The following EMP2 variants were observed in gnomAD, a reference collection of about 807,000 sequenced individuals.
EMP2 encodes epithelial membrane protein 2.
EMP2 carries 19 observed loss-of-function variants against 13.7 expected under a neutral mutation model. That is an observed-to-expected ratio of 1.38 (90% CI 0.97 to 2.03). EMP2 has a LOEUF of 2.03. Among genes scored for constraint, EMP2 ranks in the 30% most tolerant of loss-of-function variants. EMP2 has a pLI of 0.00. For synonymous variants in EMP2, 97 were observed against 84.7 expected, an observed-to-expected ratio of 1.15 and a Z score of -0.80; for missense variants, 253 against 220.7, an observed-to-expected ratio of 1.15 and a Z score of -0.93.
chr16:10,560,246 T>C (rs2050861892), intron 1 of EMP2, among the ~76,000 whole-genome samples: 2 of 152,166 alleles, frequency 1.3e-5, no homozygotes, highest in Non-Finnish European at 1.5e-5. Context: ...TCCCACATCC[T>C]GGGAACATGC....
At chr16:10,547,813 A>T (rs1429494732) in intron 1 of EMP2, 136 bp from the exon 2 acceptor site, 1 of 568,562 alleles carries the variant, frequency 1.8e-6, no homozygotes, top group East Asian at 3.0e-5. Flanking sequence ...TGGGAAGATC[A>T]CTTGAGCCCA....
intron 1 of EMP2, among the ~76,000 whole-genome samples, chr16:10,548,928 A>G (rs909921022): frequency 6.6e-6 from 1 of 152,138 alleles, no homozygotes; most frequent in Non-Finnish European, 1.5e-5. Flanking sequence ...ACTTCATGAC[A>G]TGGCCATTTC....
chr16:10,568,033 G>A (rs1039512235), intron 1 of EMP2, among the ~76,000 whole-genome samples: 1 of 152,228 alleles, frequency 6.6e-6, no homozygotes, highest in Non-Finnish European at 1.5e-5. Context: ...GAAGCCCAGA[G>A]CTATAGAATA....
intron 3 of EMP2, 119 bp from the exon 4 acceptor site, chr16:10,538,193 A>C: frequency 7.9e-7 from 1 of 1,264,232 alleles, no homozygotes; most frequent in Non-Finnish European, 1.1e-6. Context: ...GAAGGGGTTC[A>C]GGCGGTCGTC....
chr16:10,554,559 T>C (rs2142191909), intron 1 of EMP2, among the ~76,000 whole-genome samples: 1 of 152,240 alleles, frequency 6.6e-6, no homozygotes, highest in Non-Finnish European at 1.5e-5. Context: ...TTCCCGGGGC[T>C]GTGTGTTGGA....
At chr16:10,540,095 G>C (rs1258329664) in intron 3 of EMP2, among the ~76,000 whole-genome samples, 2 of 152,254 alleles carry the variant, frequency 1.3e-5, no homozygotes, top group African/African-American at 2.4e-5. Flanking sequence ...AAAGCTGGGA[G>C]GGGGTGCAGG....
At position 10,551,196 on chromosome 16, in the gene EMP2, T is replaced by C. The variant is rs555014590; in HGVS notation, c.-60-3519A>G. Among the ~76,000 whole-genome samples, 187 of 152,342 alleles carry C rather than the reference T, an allele frequency of 1.2e-3. 1 individual carries two copies. Among genetic ancestry groups the C allele is most frequent in the African/African-American group, 4.1e-3 (172 of 41,584 alleles). On this transcript the variant is annotated intron_variant, in intron 1 of 4. Coordinates refer to ENST00000359543, the MANE Select transcript of EMP2 (RefSeq NM_001424.6). ...CAACAAATAATATACTTTCTGTTTC[T>C]ATGGATTTGTCTATTTTAGATATTT...
At chr16:10,542,229 C>G (rs2050705432) in intron 3 of EMP2, among the ~76,000 whole-genome samples, 1 of 152,124 alleles carries the variant, frequency 6.6e-6, no homozygotes, top group Non-Finnish European at 1.5e-5. Flanking sequence ...GAAACTCCAT[C>G]TCTACAAAAA....
intron 4 of EMP2, among the ~76,000 whole-genome samples, chr16:10,536,189 C>T (rs997967802): frequency 1.3e-5 from 2 of 152,180 alleles, no homozygotes; most frequent in Non-Finnish European, 2.9e-5. Flanking sequence ...CCCACTTTGC[C>T]CTGGACTGGG....
chr16:10,549,729 T>TCACACACA (rs71402494), intron 1 of EMP2, among the ~76,000 whole-genome samples: 3,174 of 149,640 alleles, frequency 0.021, 121 homozygotes, highest in African/African-American at 0.073. Flanking sequence ...ACACACACAC[T>TCACACACA]CACACACACA....
chr16:10,535,591 T>A (rs1422328527), intron 4 of EMP2, among the ~76,000 whole-genome samples: 1 of 152,076 alleles, frequency 6.6e-6, no homozygotes, highest in Admixed American at 6.5e-5. Flanking sequence ...ATGTCTGTAG[T>A]CCCAGTTCCT....
intron 1 of EMP2, among the ~76,000 whole-genome samples, chr16:10,566,096 G>A (rs577306946): frequency 1.3e-5 from 2 of 152,156 alleles, no homozygotes; most frequent in African/African-American, 2.4e-5. Flanking sequence ...CCGGGACTGG[G>A]GACCTCACCA....
In EMP2 at chr16:10,531,131, C is replaced by T. The variant is rs941272954; in HGVS notation, c.*1774G>A. On this transcript the variant is annotated 3_prime_UTR_variant, in exon 5 of 5. Coordinates refer to ENST00000359543, the MANE Select transcript of EMP2 (RefSeq NM_001424.6). ...GGATTACAGGCACCTGCCACCACAC[C>T]GGGCTAATTTTGTTGTATTTTCGGT... is the stretch of plus-strand genomic sequence containing the variant. The T allele has an allele frequency of 2.0e-5, 3 of 152,030 alleles. No homozygotes were observed. Among genetic ancestry groups the T allele is most frequent in the Non-Finnish European group, 4.4e-5 (3 of 68,064 alleles). 9.4% of individuals were successfully genotyped at this position (152,030 alleles called of 1,614,324 possible).
At chr16:10,535,700 C>T (rs1282642161) in intron 4 of EMP2, among the ~76,000 whole-genome samples, 1 of 152,142 alleles carries the variant, frequency 6.6e-6, no homozygotes, top group East Asian at 1.9e-4. Context: ...ACAGAGTAAC[C>T]ACCCAAGTCC....
chr16:10,548,701 T>C (rs1216951329), intron 1 of EMP2, among the ~76,000 whole-genome samples: 1 of 151,210 alleles, frequency 6.6e-6, no homozygotes, highest in Non-Finnish European at 1.5e-5. Flanking sequence ...CTCAAAGAAA[T>C]AAAAATAAAA....
At position 10,562,158 on chromosome 16, in the gene EMP2, G is replaced by GA. The variant is rs552704655; in HGVS notation, c.-60-14482dup. Among the ~76,000 whole-genome samples the GA allele has an allele frequency of 4.0e-3, 597 of 151,000 alleles. 1 individual carries two copies. The highest frequency in any genetic ancestry group is 5.1e-3 in the Non-Finnish European group (343 of 67,690). On this transcript the variant is annotated intron_variant, in intron 1 of 4. Coordinates refer to ENST00000359543, the MANE Select transcript of EMP2 (RefSeq NM_001424.6). ...ACCAATATCCCACATGTGCATGAGTGAAAAAAAAATTAAACAAAATTTTAG... is the reference window on the plus strand; with the variant it reads ...ACCAATATCCCACATGTGCATGAGTGAAAAAAAAAATTAAACAAAATTTTAG...
intron 1 of EMP2, among the ~76,000 whole-genome samples, chr16:10,575,235 T>TTC (rs1325319421): frequency 4.9e-5 from 5 of 101,396 alleles, no homozygotes; most frequent in Non-Finnish European, 7.9e-5. Flanking sequence ...GGAGCTTGCA[T>TTC]TCTTTTTTTT....
chr16:10,578,567 G>A (rs1461027590), intron 1 of EMP2, among the ~76,000 whole-genome samples: 6 of 152,210 alleles, frequency 3.9e-5, no homozygotes, highest in Admixed American at 3.9e-4. Context: ...CCGAGGTGGG[G>A]CAGTGTCAGC....
intron 1 of EMP2, among the ~76,000 whole-genome samples, chr16:10,579,359 A>G (rs1328048034): frequency 6.6e-6 from 1 of 152,094 alleles, no homozygotes. Context: ...GGCGGCTTTT[A>G]AAAAATTTTT....
Sources: gnomAD v4.1 joint callset for allele counts (sites outside exome capture counted in the v4.1 genomes callset) on GRCh38, gnomAD v4.1.1 for gene constraint, MANE v1.5 for transcripts, NCBI Gene and HGNC (gene_info 2026-07-23, HGNC 2026-07-21) for gene names.